SYCP2L: variants seen among roughly 807,000 people sequenced by gnomAD.
SYCP2L encodes the protein synaptonemal complex protein 2 like, also known as synaptonemal complex protein 2-like.
Under a neutral mutation model 125.8 loss-of-function variants are expected in SYCP2L, and 98 were observed. That is an observed-to-expected ratio of 0.78 (90% CI 0.66 to 0.92). The LOEUF (loss-of-function observed/expected upper bound fraction) is 0.92, where lower values mean the gene tolerates loss of function less well. Among genes scored for constraint, SYCP2L ranks in the 40% least tolerant of loss-of-function variants. SYCP2L has a pLI of 0.00. For missense variants in SYCP2L, 842 were observed against 936.4 expected (o/e 0.90, Z 1.32); for synonymous variants, 317 against 325.4 (o/e 0.97, Z 0.28).
In SYCP2L at chr6:10,891,428, T is replaced by C. The variant is rs1348664458; in HGVS notation, c.10-85T>C. 4 of 858,496 alleles carry C rather than the reference T, an allele frequency of 4.7e-6. No homozygotes were observed. The African/African-American group carries it at 5.3e-5, about 11-fold the overall frequency. The allele number at this position is 858,496 out of a possible 1,614,324, so 53.2% of individuals were successfully genotyped here. A position where few individuals can be genotyped will look rare whatever the true frequency, so the allele number is the denominator to read the frequency against. On this transcript the variant is annotated intron_variant, in intron 1 of 29. Transcript: ENST00000283141. ...CAATACAAACCTTTAATTTTTTTTTTTTTTTTTTTTGCTTTGTGTTTAAAA... is the reference window on the plus strand; with the variant it reads ...CAATACAAACCTTTAATTTTTTTTTCTTTTTTTTTTGCTTTGTGTTTAAAA...
Position 10,963,844 on chromosome 6 carries a change from G to A in SYCP2L, c.*37+1G>A. ...CTGGTTTTATGATTGCAGCCCTCAGGTAGGTGCAAAGATTTGCATTGTTCA... is the reference window on the plus strand; with the variant it reads ...CTGGTTTTATGATTGCAGCCCTCAGATAGGTGCAAAGATTTGCATTGTTCA... On this transcript the variant is annotated splice_donor_variant, in intron 29 of 29. Coordinates refer to ENST00000283141, the MANE Select transcript of SYCP2L (RefSeq NM_001040274.3). LOFTEE classifies it low-confidence loss of function (3UTR_SPLICE). The A allele has an allele frequency of 6.2e-7, 1 of 1,612,448 alleles. No individual in the cohort carries two copies. Among genetic ancestry groups the A allele is most frequent in the Non-Finnish European group, 8.5e-7 (1 of 1,178,624 alleles).
intron 21 of SYCP2L, among the ~76,000 whole-genome samples, chr6:10,942,186 T>C (rs1781236611): frequency 6.7e-6 from 1 of 149,506 alleles, no homozygotes; most frequent in African/African-American, 2.4e-5. Flanking sequence ...TTAAGAGATA[T>C]ATCTAATGTT....
intron 29 of SYCP2L, among the ~76,000 whole-genome samples, chr6:10,968,051 C>T (rs2113431091): frequency 6.6e-6 from 1 of 152,206 alleles, no homozygotes; most frequent in Admixed American, 6.5e-5. Flanking sequence ...AAATAGAAGC[C>T]AGTTCCTTCG....
intron 5 of SYCP2L, 46 bp downstream of exon 5, chr6:10,898,161 TG>T (rs1780291778): frequency 7.4e-7 from 1 of 1,344,464 alleles, no homozygotes; most frequent in Non-Finnish European, 1.1e-6. Flanking sequence ...CATTGGTAAT[TG>T]GCAGGAATCT....
chr6:10,926,241 T>C (rs1490898513), intron 15 of SYCP2L, 98 bp from the exon 16 acceptor site: 3 of 854,440 alleles, frequency 3.5e-6, no homozygotes, highest in Non-Finnish European at 5.6e-6. Flanking sequence ...AACTTCTGAT[T>C]TATCAGTGTG....
intron 23 of SYCP2L, among the ~76,000 whole-genome samples, chr6:10,946,413 T>C (rs1285078876): frequency 6.6e-6 from 1 of 152,118 alleles, no homozygotes; most frequent in Non-Finnish European, 1.5e-5. Flanking sequence ...TTTCTAAGCC[T>C]AAATTTAATT....
chr6:10,902,712 T>C lies in SYCP2L; in HGVS notation c.502T>C (p.Leu168=). ...GATGTTGGATTCCTTCCTACTTAGC[T>C]TAGGATTCCTGGTGACAGAAAAGAC... is the stretch of plus-strand genomic sequence containing the variant. The part of the protein sequence containing the change: ...IQMLDSFLLS[L]GFLVTEKTVN... Residue 168 remains leucine (L), a synonymous_variant, in exon 7 of 30, where the codon TTA becomes CTA. Transcript: ENST00000283141. The C allele has an allele frequency of 6.2e-7, 1 of 1,614,064 alleles. No individual in the cohort carries two copies. Among genetic ancestry groups the C allele is most frequent in the Non-Finnish European group, 8.5e-7 (1 of 1,179,970 alleles).
Position 10,927,995 on chromosome 6 carries a change from C to T in SYCP2L, c.1441-408C>T, listed in dbSNP as rs140313053. On this transcript the variant is annotated intron_variant, in intron 17 of 29. Transcript: ENST00000283141. ...TATGGCTCTGTTCCACCCGGCTCAC[C>T]GGCGGTCAGAGTTTAAGGTTATCTC... Among the ~76,000 whole-genome samples, 887 of 152,278 alleles carry T rather than the reference C, an allele frequency of 5.8e-3. 13 individuals are homozygous for T. The highest frequency in any genetic ancestry group is 0.019 in the African/African-American group (774 of 41,546).
Position 10,927,347 on chromosome 6 carries a change from G to A in SYCP2L, c.1420G>A (p.Glu474Lys). 1 of 1,613,668 alleles carries A rather than the reference G, an allele frequency of 6.2e-7. No homozygotes were observed. Among genetic ancestry groups the A allele is most frequent in the Non-Finnish European group, 8.5e-7 (1 of 1,179,922 alleles). Residue 474 changes from glutamate to lysine, a missense_variant, in exon 17 of 30, where the codon GAA becomes AAA. Transcript: ENST00000283141. ...CCAATCTGAGCCACCTGTTATTGGG[G>A]AACCTGCCTCTGATAGTCACGTAGG... ...NDQSEPPVIG[E>K]PASDSHLQPV...
chr6:10,923,380 C>CTTTTTTT (rs1226992236), intron 14 of SYCP2L, among the ~76,000 whole-genome samples: 8 of 92,476 alleles, frequency 8.7e-5, no homozygotes, highest in Admixed American at 3.0e-4. Context: ...GAAACACACA[C>CTTTTTTT]TTTTTTTTTT....
chr6:10,895,760 T>C (rs1780248077), intron 4 of SYCP2L, among the ~76,000 whole-genome samples: 1 of 150,324 alleles, frequency 6.7e-6, no homozygotes, highest in Non-Finnish European at 1.5e-5. Flanking sequence ...AGTGCTGGGA[T>C]TACAGGCGTG....
chr6:10,911,773 T>C (rs1780611295), intron 12 of SYCP2L, among the ~76,000 whole-genome samples: 1 of 152,096 alleles, frequency 6.6e-6, no homozygotes, highest in Non-Finnish European at 1.5e-5. Flanking sequence ...TTCACCTCTG[T>C]AGCTATTAAA....
intron 28 of SYCP2L, among the ~76,000 whole-genome samples, chr6:10,962,009 AT>A (rs1292043237): frequency 4.6e-5 from 7 of 152,122 alleles, no homozygotes; most frequent in African/African-American, 1.7e-4. Flanking sequence ...CTGCACTGTA[AT>A]TCATCAATAC....
chr6:10,952,864 C>G (rs1054262238), intron 23 of SYCP2L, among the ~76,000 whole-genome samples: 1 of 152,134 alleles, frequency 6.6e-6, no homozygotes, highest in Admixed American at 6.5e-5. Context: ...CATCCAAACC[C>G]TTCAAACAAA....
intron 14 of SYCP2L, 99 bp from the exon 15 acceptor site, chr6:10,924,396 TC>T (rs1780861805): frequency 1.0e-6 from 1 of 986,834 alleles, no homozygotes; most frequent in Non-Finnish European, 1.4e-6. Context: ...CACAGAAAAA[TC>T]TGGACAAATA....
In SYCP2L at chr6:10,954,407, A is replaced by G. The variant is rs1301333368; in HGVS notation, c.1955-709A>G. Among the ~76,000 whole-genome samples the G allele has an allele frequency of 6.6e-6, 1 of 152,122 alleles. No homozygotes were observed. The highest frequency in any genetic ancestry group is 1.5e-5 in the Non-Finnish European group (1 of 68,010). On this transcript the variant is annotated intron_variant, in intron 23 of 29. Transcript: ENST00000283141. The surrounding 1 kb of genome is among the most constrained non-coding windows in gnomAD (Gnocchi z 4.8). Reference sequence around the variant, plus strand: ...GAGATGGCTTTGGGCAGGAACTCAGAGAGGGAGGGATTCATTCCATAGGCA... The same window carrying G: ...GAGATGGCTTTGGGCAGGAACTCAGGGAGGGAGGGATTCATTCCATAGGCA...
chr6:10,965,896 T>G (rs1781668060), intron 29 of SYCP2L, among the ~76,000 whole-genome samples: 1 of 152,120 alleles, frequency 6.6e-6, no homozygotes, highest in African/African-American at 2.4e-5. Context: ...GTGAATCACC[T>G]AAGATCAGGA....
chr6:10,910,511 G>A (rs1262477832), intron 11 of SYCP2L, among the ~76,000 whole-genome samples: 1 of 152,208 alleles, frequency 6.6e-6, no homozygotes, highest in African/African-American at 2.4e-5. Context: ...TGAGGTTGCT[G>A]GAGGTAGTTG....
At chr6:10,906,977 ATAT>A (rs1307180311) in intron 9 of SYCP2L, among the ~76,000 whole-genome samples, 1 of 152,038 alleles carries the variant, frequency 6.6e-6, no homozygotes, top group Non-Finnish European at 1.5e-5. Context: ...ACACCCATAA[ATAT>A]TATTTATTTA....
Sources: allele counts gnomAD v4.1 joint callset (sites outside exome capture counted in the v4.1 genomes callset), GRCh38; gene constraint gnomAD v4.1.1; non-coding constraint Gnocchi (gnomAD v3.1); transcripts MANE v1.5; gene names NCBI Gene and HGNC (gene_info 2026-07-23, HGNC 2026-07-21).